Variants in STXBP3 observed in about 807,000 individuals in gnomAD.
The protein encoded by STXBP3 is syntaxin-binding protein 3.
In STXBP3, 41 loss-of-function variants were observed where a neutral mutation model predicts 85.7. The ratio of observed to expected loss-of-function variants is 0.48; its 90% CI spans 0.37 to 0.62. The LOEUF (loss-of-function observed/expected upper bound fraction) is 0.62. Among genes scored for constraint, STXBP3 ranks in the 20% least tolerant of loss-of-function variants. The pLI, the probability that STXBP3 is intolerant of heterozygous loss-of-function variation, is 0.00. For synonymous variants in STXBP3, 229 were observed against 231.7 expected, an observed-to-expected ratio of 0.99 and a Z score of 0.10; for missense variants, 563 against 703.1, an observed-to-expected ratio of 0.80 and a Z score of 2.25.
intron 1 of STXBP3, among the ~76,000 whole-genome samples, chr1:108,750,939 A>C (rs1476908202): frequency 6.6e-6 from 1 of 152,130 alleles, no homozygotes; most frequent in African/African-American, 2.4e-5. Flanking sequence ...TACATAGGGT[A>C]AGGTCAAAAA....
Position 108,772,230 on chromosome 1 carries a change from TG to T in STXBP3, c.439-434del, listed in dbSNP as rs1256838681. 4.3e-5 allele frequency among the ~76,000 whole-genome samples: 3 copies of T among 69,806 alleles called. 1 individual carries two copies. The highest frequency in any genetic ancestry group is 1.0e-4 in the African/African-American group (2 of 19,262). The allele number at this position is 69,806 out of a possible 152,430, so 45.8% of individuals were successfully genotyped here. A position where few individuals can be genotyped will look rare whatever the true frequency, so the allele number is the denominator to read the frequency against. On this transcript the variant is annotated intron_variant, in intron 6 of 18. Transcript: ENST00000370008. ...TCTATCTGTATCATATATAAATACA[TG>T]ATATCTATCTGTATCATATATAAAT...
rs117000559 is a variant in STXBP3, at chr1:108,764,365, G to A, written c.438+4280G>A. On this transcript the variant is annotated intron_variant, in intron 6 of 18. Coordinates refer to ENST00000370008, the MANE Select transcript of STXBP3 (RefSeq NM_007269.4). ...GAATAGTGCTGCAGTGAACATATAC[G>A]TGCATGTGTCCTTATGATAGACTTA... Among the ~76,000 whole-genome samples, 74 of 152,112 alleles carry A rather than the reference G, an allele frequency of 4.9e-4. No homozygotes were observed. In the East Asian group the frequency reaches 0.012, roughly 25 times the overall value.
At chr1:108,771,530 T>A (rs12747456) in intron 6 of STXBP3, among the ~76,000 whole-genome samples, 7 of 66,768 alleles carry the variant, frequency 1.0e-4, no homozygotes, top group South Asian at 3.8e-4. Context: ...ATGATATATA[T>A]CTATATATAT....
intron 11 of STXBP3, among the ~76,000 whole-genome samples, chr1:108,785,940 C>G (rs527921419): frequency 6.6e-6 from 1 of 152,274 alleles, no homozygotes; most frequent in South Asian, 2.1e-4. Flanking sequence ...CAAAATCACT[C>G]AAGTTTCTAG....
chr1:108,756,709 G>A lies in STXBP3; in HGVS notation c.201G>A (p.Lys67=), dbSNP rs753061552. 1.9e-6 allele frequency: 3 copies of A among 1,580,648 alleles called. No individual in the cohort carries two copies. Among genetic ancestry groups the A allele is most frequent in the Non-Finnish European group, 8.6e-7 (1 of 1,161,958 alleles). ...EGITVVENIY[K]NREPVRQMKA... ...TGTTAGTTGTAGAGAATATTTATAA[G>A]AACCGTGAACCTGTCAGACAAATGA... The change falls in exon 4 of 19, where the codon AAG becomes AAA. Residue 67 remains lysine, a synonymous_variant. Coordinates refer to ENST00000370008, the MANE Select transcript of STXBP3 (RefSeq NM_007269.4).
chr1:108,789,848 A>G (rs1662938603), intron 11 of STXBP3, among the ~76,000 whole-genome samples: 1 of 152,032 alleles, frequency 6.6e-6, no homozygotes, highest in African/African-American at 2.4e-5. Flanking sequence ...GGCGAATCAC[A>G]TGTGGCTAGG....
chr1:108,750,924 A>G (rs902109280), intron 1 of STXBP3, among the ~76,000 whole-genome samples: 2 of 152,222 alleles, frequency 1.3e-5, no homozygotes, highest in African/African-American at 4.8e-5. Context: ...GCCAGGTTGG[A>G]GAGGTACATA....
At chr1:108,800,411 C>A in intron 17 of STXBP3, 106 bp downstream of exon 17, 1 of 737,980 alleles carries the variant, frequency 1.4e-6, no homozygotes, top group Non-Finnish European at 2.2e-6. Flanking sequence ...AGTATATAAT[C>A]CTGTATTTTT....
chr1:108,809,287 T>G lies in STXBP3; in HGVS notation c.*410T>G, dbSNP rs571871287. On this transcript the variant is annotated 3_prime_UTR_variant, in exon 19 of 19. Coordinates refer to ENST00000370008, the MANE Select transcript of STXBP3 (RefSeq NM_007269.4). ...GATTGTAAAAGTAAAAAACTGTAAA[T>G]GTATATGTATGATAGAATTGTTTCC... 5 of 156,826 alleles carry G rather than the reference T, an allele frequency of 3.2e-5. No homozygotes were observed. Among genetic ancestry groups the G allele is most frequent in the African/African-American group, 1.2e-4 (5 of 41,614 alleles). 9.7% of individuals were successfully genotyped at this position (156,826 alleles called of 1,614,324 possible).
intron 8 of STXBP3, 125 bp from the exon 9 acceptor site, chr1:108,779,161 G>A: frequency 1.0e-6 from 1 of 984,510 alleles, no homozygotes; most frequent in East Asian, 2.5e-5. Flanking sequence ...TTGTTCTGTT[G>A]TATGTTTTTG....
In STXBP3 at chr1:108,800,216, T is replaced by C; in HGVS notation, c.1450-4T>C. ...TTGATGGAATTAACTCTTTCCTTCC[T>C]TAGGATGCTATTGATAATAGATTAG... On this transcript the variant is annotated splice_polypyrimidine_tract_variant and splice_region_variant and intron_variant, in intron 16 of 18. Coordinates refer to ENST00000370008, the MANE Select transcript of STXBP3 (RefSeq NM_007269.4). The C allele has an allele frequency of 1.9e-6, 3 of 1,599,698 alleles. No individual in the cohort carries two copies. The highest frequency in any genetic ancestry group is 2.6e-6 in the Non-Finnish European group (3 of 1,167,238).
chr1:108,759,719 T>A (rs1019735805), intron 5 of STXBP3, among the ~76,000 whole-genome samples: 2 of 152,200 alleles, frequency 1.3e-5, no homozygotes, highest in Non-Finnish European at 2.9e-5. Context: ...CCTAACAATT[T>A]CAGTTTGCTC....
chr1:108,794,201 T>C (rs1056191146), intron 12 of STXBP3, among the ~76,000 whole-genome samples: 4 of 152,240 alleles, frequency 2.6e-5, no homozygotes, highest in Admixed American at 2.0e-4. Flanking sequence ...TTTTCATTAC[T>C]GTCAAACTCA....
chr1:108,754,346 C>T (rs1035603639), intron 3 of STXBP3, among the ~76,000 whole-genome samples: 2 of 152,030 alleles, frequency 1.3e-5, no homozygotes, highest in African/African-American at 4.8e-5. Flanking sequence ...ATAAAGTAAC[C>T]TTTATTGTTT....
intron 17 of STXBP3, among the ~76,000 whole-genome samples, chr1:108,801,545 C>CT (rs1663232521): frequency 6.6e-6 from 1 of 152,080 alleles, no homozygotes; most frequent in Non-Finnish European, 1.5e-5. Context: ...AGTCAGTTAT[C>CT]TGTTCAGACA....
At chr1:108,797,798 C>T (rs1261411662) in intron 15 of STXBP3, among the ~76,000 whole-genome samples, 5 of 151,260 alleles carry the variant, frequency 3.3e-5, no homozygotes, top group Non-Finnish European at 5.9e-5. Context: ...TGCAGTGGCT[C>T]GATCTCGGCT....
intron 11 of STXBP3, among the ~76,000 whole-genome samples, chr1:108,787,401 A>G (rs1662856605): frequency 6.6e-6 from 1 of 152,224 alleles, no homozygotes; most frequent in Non-Finnish European, 1.5e-5. Flanking sequence ...TTCGGCTAGT[A>G]AAGTCCCTTC....
intron 6 of STXBP3, among the ~76,000 whole-genome samples, chr1:108,772,210 C>CTATATATCATATATAAATACATA: frequency 1.9e-5 from 1 of 51,368 alleles, no homozygotes; most frequent in South Asian, 4.8e-4. Flanking sequence ...TGATATCTAT[C>CTATATATCATATATAAATACATA]TGTATCATAT....
intron 17 of STXBP3, among the ~76,000 whole-genome samples, chr1:108,806,270 C>T (rs147193506): frequency 9.9e-5 from 15 of 152,232 alleles, no homozygotes; most frequent in African/African-American, 3.6e-4. Flanking sequence ...CAGCCACTAG[C>T]TACATGTGGC....
Sources: allele counts gnomAD v4.1 joint callset (sites outside exome capture counted in the v4.1 genomes callset), GRCh38; gene constraint gnomAD v4.1.1; transcripts MANE v1.5; gene names NCBI Gene and HGNC (gene_info 2026-07-23, HGNC 2026-07-21).